Variants in BBS9 observed in about 807,000 individuals in gnomAD.
The protein encoded by BBS9 is Bardet-Biedl syndrome 9.
A neutral mutation model predicts 117.7 loss-of-function variants in BBS9; 89 were observed. That is an observed-to-expected ratio of 0.76 (90% CI 0.64 to 0.90). The LOEUF is 0.90. Ranked by LOEUF, BBS9 falls within the 40% of genes least tolerant of loss-of-function variation. The pLI, the probability that BBS9 is intolerant of heterozygous loss-of-function variation, is 0.00. For synonymous variants in BBS9, 379 were observed against 370.9 expected, an observed-to-expected ratio of 1.02 and a Z score of -0.25; for missense variants, 982 against 1,042.2, an observed-to-expected ratio of 0.94 and a Z score of 0.80.
At chr7:33,434,961 T>G (rs1292679497) in intron 19 of BBS9, among the ~76,000 whole-genome samples, 16 of 152,212 alleles carry the variant, frequency 1.1e-4, no homozygotes, top group Admixed American at 1.0e-3. Context: ...TACTTCATTT[T>G]AGCCTTCTAT....
chr7:33,204,310 G>T (rs1389052654), intron 5 of BBS9, among the ~76,000 whole-genome samples: 2 of 150,980 alleles, frequency 1.3e-5, no homozygotes, highest in Non-Finnish European at 2.9e-5. Flanking sequence ...GGGAGGTTGA[G>T]GTAGGAGAAT....
chr7:33,143,895 G>T (rs1791934724), intron 1 of BBS9, among the ~76,000 whole-genome samples: 1 of 117,226 alleles, frequency 8.5e-6, no homozygotes, highest in Admixed American at 8.8e-5. Context: ...AGATGTGTCT[G>T]TTCAGGTTCT....
intron 21 of BBS9, 101 bp downstream of exon 21, chr7:33,534,277 G>T: frequency 8.0e-7 from 1 of 1,255,408 alleles, no homozygotes; most frequent in East Asian, 2.5e-5. Context: ...ATATTAAAGT[G>T]ATGATAGCCA....
At chr7:33,161,754 C>T (rs1794885916) in intron 4 of BBS9, among the ~76,000 whole-genome samples, 1 of 152,152 alleles carries the variant, frequency 6.6e-6, no homozygotes, top group East Asian at 1.9e-4. Context: ...GAAAGCATTC[C>T]TATTTCTCCT....
intron 9 of BBS9, among the ~76,000 whole-genome samples, chr7:33,309,749 A>C (rs1471572662): frequency 6.6e-6 from 1 of 152,172 alleles, no homozygotes; most frequent in East Asian, 1.9e-4. Flanking sequence ...TTCAAGTGGA[A>C]ATACTTAGAA....
intron 9 of BBS9, among the ~76,000 whole-genome samples, chr7:33,286,600 A>G (rs1802940001): frequency 6.6e-6 from 1 of 152,158 alleles, no homozygotes; most frequent in South Asian, 2.1e-4. Flanking sequence ...ATTCTGGGAA[A>G]TAGCTCTATT....
intron 19 of BBS9, among the ~76,000 whole-genome samples, chr7:33,480,218 C>T (rs1842345534): frequency 6.6e-6 from 1 of 152,184 alleles, no homozygotes; most frequent in African/African-American, 2.4e-5. Context: ...TTATCAGAAG[C>T]TTGAAATTAC....
chr7:33,252,877 G>A (rs1229826936), intron 5 of BBS9, among the ~76,000 whole-genome samples: 3 of 151,366 alleles, frequency 2.0e-5, no homozygotes, highest in African/African-American at 7.3e-5. Flanking sequence ...TTATATTTTT[G>A]TTGTGAAAAA....
intron 19 of BBS9, among the ~76,000 whole-genome samples, chr7:33,408,503 A>T (rs1180889541): frequency 6.6e-6 from 1 of 152,128 alleles, no homozygotes. Context: ...CTCAGATGGA[A>T]ATGCAGAAAT....
intron 21 of BBS9, among the ~76,000 whole-genome samples, chr7:33,590,421 T>G (rs1436777869): frequency 6.7e-6 from 1 of 150,296 alleles, no homozygotes; most frequent in African/African-American, 2.5e-5. Context: ...ACAAAGCTGT[T>G]ATTTCTTACT....
intron 9 of BBS9, among the ~76,000 whole-genome samples, chr7:33,313,675 G>A (rs1160656705): frequency 6.6e-6 from 1 of 152,132 alleles, no homozygotes; most frequent in Non-Finnish European, 1.5e-5. Context: ...AATTCTTGCT[G>A]CTTTGATATC....
At chr7:33,242,529 A>G (rs1474037821) in intron 5 of BBS9, among the ~76,000 whole-genome samples, 1 of 151,684 alleles carries the variant, frequency 6.6e-6, no homozygotes, top group African/African-American at 2.4e-5. Context: ...TAGCTTCTAA[A>G]TTTTATTTAC....
chr7:33,177,778 C>G (rs1394800791), intron 5 of BBS9, 187 bp downstream of exon 5: 1 of 594,202 alleles, frequency 1.7e-6, no homozygotes, highest in Non-Finnish European at 3.0e-6. Context: ...CTGATATCGT[C>G]TGATCTTGGA....
intron 19 of BBS9, among the ~76,000 whole-genome samples, chr7:33,440,017 T>C (rs1388762112): frequency 6.6e-6 from 1 of 152,166 alleles, no homozygotes; most frequent in African/African-American, 2.4e-5. Context: ...AGAAATTTGA[T>C]ATGAAATAAG....
At position 33,341,061 on chromosome 7, in the gene BBS9, T is replaced by C. The variant is rs10486527; in HGVS notation, c.1275+88T>C. On this transcript the variant is annotated intron_variant, in intron 11 of 22. Coordinates refer to ENST00000242067, the MANE Select transcript of BBS9 (RefSeq NM_198428.3). Reference sequence around the variant, plus strand: ...CAAAATGCATTGGTTTAAAGTTTGGTCCTCCAAGTAGACACTTCAGGGAGG... The same window carrying C: ...CAAAATGCATTGGTTTAAAGTTTGGCCCTCCAAGTAGACACTTCAGGGAGG... 301,396 of 1,146,312 alleles carry C rather than the reference T, an allele frequency of 0.26. 41,763 individuals carry two copies. The highest frequency in any genetic ancestry group is 0.29 in the Non-Finnish European group (220,535 of 762,208). 71.0% of individuals were successfully genotyped at this position (1,146,312 alleles called of 1,614,324 possible). A position where few individuals can be genotyped will look rare whatever the true frequency, so the allele number is the denominator to read the frequency against.
At chr7:33,331,320 A>T (rs1252542645) in intron 9 of BBS9, among the ~76,000 whole-genome samples, 1 of 152,216 alleles carries the variant, frequency 6.6e-6, no homozygotes, top group East Asian at 1.9e-4. Context: ...ATCATGCTGA[A>T]TGGGGAAAAG....
chr7:33,210,272 A>G (rs902468693), intron 5 of BBS9, among the ~76,000 whole-genome samples: 2 of 152,124 alleles, frequency 1.3e-5, no homozygotes, highest in Non-Finnish European at 2.9e-5. Context: ...ATATTATTTC[A>G]AGTTTTTTGA....
Position 33,475,403 on chromosome 7 carries a change from T to C in BBS9, c.2116-30060T>C, listed in dbSNP as rs749973532. ...TACAAGATCCCATCCTGGTTGCTGG[T>C]TCAGCATATTTGGGATAGAGCCAGT... On this transcript the variant is annotated intron_variant, in intron 19 of 22. Transcript: ENST00000242067. Among the ~76,000 whole-genome samples the C allele has an allele frequency of 1.1e-4, 16 of 152,220 alleles. 1 individual carries two copies. The highest frequency in any genetic ancestry group is 1.6e-4 in the Non-Finnish European group (11 of 68,038).
intron 16 of BBS9, among the ~76,000 whole-genome samples, chr7:33,365,911 G>A (rs185083916): frequency 5.3e-5 from 8 of 152,330 alleles, no homozygotes; most frequent in African/African-American, 1.4e-4. Context: ...ATAGGAATAC[G>A]CAGAGAGACC....
Sources: gnomAD v4.1 joint callset for allele counts (sites outside exome capture counted in the v4.1 genomes callset) on GRCh38, gnomAD v4.1.1 for gene constraint, MANE v1.5 for transcripts, NCBI Gene and HGNC (gene_info 2026-07-23, HGNC 2026-07-21) for gene names.